Variants in SEC24D observed in about 807,000 individuals in gnomAD.
SEC24D encodes the protein SEC24 homolog D, COPII component, also known as protein transport protein Sec24D.
SEC24D carries 69 observed loss-of-function variants against 116.9 expected under a neutral mutation model. That is an observed-to-expected ratio of 0.59 (90% CI 0.49 to 0.72). The LOEUF is 0.72. SEC24D is among the 30% of genes least tolerant of loss of function. The pLI is 0.00. For missense variants in SEC24D, 1,131 were observed against 1,264.1 expected (o/e 0.89, Z 1.60); for synonymous variants, 405 against 442.8 (o/e 0.91, Z 1.07).
chr4:118,816,692 T>C, intron 4 of SEC24D: 1 of 345,100 alleles, frequency 2.9e-6, no homozygotes, highest in Non-Finnish European at 5.7e-6. Flanking sequence ...ATTCTTCATC[T>C]AGATAAATGG....
In SEC24D at chr4:118,741,046, TAA is replaced by T. The variant is rs758546700; in HGVS notation, c.1996-11_1996-10del. The T allele has an allele frequency of 6.0e-6, 9 of 1,491,060 alleles. No homozygotes were observed. Among genetic ancestry groups the T allele is most frequent in the Middle Eastern group, 2.1e-4 (1 of 4,816 alleles). The allele number at this position is 1,491,060 out of a possible 1,614,324, so 92.4% of individuals were successfully genotyped here. ...TGTCTATCCAAGTGCATCTAAAAAA[TAA>T]AAGTCTAATCAATGTCCACCAGATG... On this transcript the variant is annotated splice_polypyrimidine_tract_variant and intron_variant, in intron 15 of 22. Transcript: ENST00000280551.
intron 11 of SEC24D, among the ~76,000 whole-genome samples, chr4:118,753,564 A>G (rs1361848599): frequency 6.6e-6 from 1 of 152,104 alleles, no homozygotes; most frequent in Non-Finnish European, 1.5e-5. Flanking sequence ...AACAAAAAGT[A>G]GATTTTTTTT....
chr4:118,833,220 C>T (rs1313637464), intron 2 of SEC24D: 1 of 161,128 alleles, frequency 6.2e-6, no homozygotes, highest in Non-Finnish European at 1.3e-5. Flanking sequence ...TTATCTAGGG[C>T]CAATCCTAGA....
intron 9 of SEC24D, among the ~76,000 whole-genome samples, chr4:118,767,659 G>A (rs1727701631): frequency 2.0e-5 from 3 of 152,022 alleles, no homozygotes; most frequent in Non-Finnish European, 4.4e-5. Flanking sequence ...TAATGAATAC[G>A]GGAAAGCCCT....
chr4:118,743,941 T>C, intron 15 of SEC24D, 47 bp downstream of exon 15: 2 of 1,505,028 alleles, frequency 1.3e-6, no homozygotes, highest in Non-Finnish European at 1.8e-6. Context: ...AACAACAAAA[T>C]TAAAATGGGA....
At chr4:118,835,714 C>A (rs1368570263) in intron 1 of SEC24D, among the ~76,000 whole-genome samples, 2 of 152,198 alleles carry the variant, frequency 1.3e-5, no homozygotes, top group Non-Finnish European at 2.9e-5. Flanking sequence ...AAGGTGGGGG[C>A]GGGTAAAAAA....
At chr4:118,770,742 A>T (rs1560669236) in intron 8 of SEC24D, among the ~76,000 whole-genome samples, 1 of 152,222 alleles carries the variant, frequency 6.6e-6, no homozygotes, top group African/African-American at 2.4e-5. Flanking sequence ...ATTACTGTGA[A>T]ATTGTCGGCA....
chr4:118,765,568 T>C (rs1393530254), intron 9 of SEC24D, among the ~76,000 whole-genome samples: 1 of 152,200 alleles, frequency 6.6e-6, no homozygotes, highest in Non-Finnish European at 1.5e-5. Context: ...CTTGGACAAA[T>C]ATGGCCTGGT....
intron 22 of SEC24D, among the ~76,000 whole-genome samples, chr4:118,726,684 C>T (rs1725430021): frequency 6.6e-6 from 1 of 152,082 alleles, no homozygotes; most frequent in South Asian, 2.1e-4. Flanking sequence ...GAATAAAAAA[C>T]ATTTGGAGCA....
At chr4:118,831,509 G>A (rs913756619) in intron 2 of SEC24D, among the ~76,000 whole-genome samples, 5 of 152,124 alleles carry the variant, frequency 3.3e-5, no homozygotes, top group East Asian at 3.8e-4. Flanking sequence ...TATGGGTCTA[G>A]AGCAAGCTTT....
intron 2 of SEC24D, among the ~76,000 whole-genome samples, chr4:118,832,560 A>G (rs557524552): frequency 6.6e-6 from 1 of 151,586 alleles, no homozygotes; most frequent in South Asian, 2.1e-4. Context: ...TGTGTATGCA[A>G]TTTGTTTTTT....
chr4:118,792,407 T>C (rs1307363481), intron 8 of SEC24D, among the ~76,000 whole-genome samples: 1 of 152,132 alleles, frequency 6.6e-6, no homozygotes. Flanking sequence ...AATAGCTCAT[T>C]GAGAACGGGC....
At chr4:118,732,129 G>A (rs1292190391) in intron 20 of SEC24D, among the ~76,000 whole-genome samples, 1 of 151,858 alleles carries the variant, frequency 6.6e-6, no homozygotes, top group Non-Finnish European at 1.5e-5. Flanking sequence ...GAAGTAATAC[G>A]AGCTGACAAT....
chr4:118,829,104 A>T (rs1033702315), intron 2 of SEC24D, among the ~76,000 whole-genome samples: 1 of 152,212 alleles, frequency 6.6e-6, no homozygotes, highest in Non-Finnish European at 1.5e-5. Context: ...CAAAATTGTC[A>T]TTGTTAATTT....
chr4:118,800,132 G>A (rs906305483), intron 7 of SEC24D, among the ~76,000 whole-genome samples: 1 of 152,142 alleles, frequency 6.6e-6, no homozygotes, highest in Non-Finnish European at 1.5e-5. Context: ...CTGAGACTGG[G>A]GGTCCACGTG....
At position 118,739,300 on chromosome 4, in the gene SEC24D, C is replaced by T. The variant is rs1182494153; in HGVS notation, c.2239-13G>A. On this transcript the variant is annotated splice_polypyrimidine_tract_variant and intron_variant, in intron 17 of 22. Transcript: ENST00000280551. Reference sequence around the variant, plus strand: ...AAAGCACAGCACACTGTAGAAGCAACATTGAGGTCACATGTTTTTCTGATT... The same window carrying T: ...AAAGCACAGCACACTGTAGAAGCAATATTGAGGTCACATGTTTTTCTGATT... The T allele has an allele frequency of 6.2e-7, 1 of 1,602,940 alleles. No individual in the cohort carries two copies.
intron 19 of SEC24D, among the ~76,000 whole-genome samples, chr4:118,733,685 A>G (rs1371280764): frequency 6.6e-6 from 1 of 152,240 alleles, no homozygotes; most frequent in African/African-American, 2.4e-5. Context: ...ATGCATTTAG[A>G]TGTGTCATTA....
rs768845637 is a variant in SEC24D at position 118,723,508 on chromosome 4, G to A, written c.*7C>T. 31 of 1,606,030 alleles carry A rather than the reference G, an allele frequency of 1.9e-5. No individual in the cohort carries two copies. In the Admixed American group the frequency reaches 2.4e-4, roughly 12 times the overall value. ...GAAATGCAACATCAATGACAGAGAA[G>A]TTTCAATTAATTAAGCAGCTGACAG... On this transcript the variant is annotated 3_prime_UTR_variant, in exon 23 of 23. Coordinates refer to ENST00000280551, the MANE Select transcript of SEC24D (RefSeq NM_014822.4).
intron 10 of SEC24D, chr4:118,760,397 T>G (rs1272494129): frequency 6.6e-6 from 1 of 152,230 alleles, no homozygotes; most frequent in Non-Finnish European, 1.5e-5. Flanking sequence ...ATACCTCATA[T>G]AGAATCATTC....
Sources: gnomAD v4.1 joint callset for allele counts (sites outside exome capture counted in the v4.1 genomes callset) on GRCh38, gnomAD v4.1.1 for gene constraint, MANE v1.5 for transcripts, NCBI Gene and HGNC (gene_info 2026-07-23, HGNC 2026-07-21) for gene names.